Variants in LRP6 observed in about 807,000 individuals in gnomAD.
LRP6 encodes low-density lipoprotein receptor-related protein 6.
In LRP6, 43 loss-of-function variants were observed where a neutral mutation model predicts 184.1. That is an observed-to-expected ratio of 0.23 (90% CI 0.18 to 0.30). The LOEUF is 0.30. Ranked by LOEUF, LRP6 falls within the 10% of genes least tolerant of loss-of-function variation. LRP6 has a pLI of 1.00. For missense variants in LRP6, 1,571 were observed against 2,005.3 expected (o/e 0.78, Z 4.14); for synonymous variants, 719 against 684.9 (o/e 1.05, Z -0.78).
intron 13 of LRP6, among the ~76,000 whole-genome samples, chr12:12,150,446 C>T (rs1004490887): frequency 1.3e-5 from 2 of 152,106 alleles, no homozygotes; most frequent in Admixed American, 1.3e-4. Context: ...ATGTGCTTTG[C>T]ATTCTTTTCA....
intron 2 of LRP6, among the ~76,000 whole-genome samples, chr12:12,213,044 T>C (rs2137063673): frequency 6.6e-6 from 1 of 152,348 alleles, no homozygotes; most frequent in East Asian, 1.9e-4. Context: ...AGAGGACTAA[T>C]GGGAAGAAAC....
chr12:12,252,957 C>T (rs1302268433), intron 1 of LRP6, among the ~76,000 whole-genome samples: 1 of 152,080 alleles, frequency 6.6e-6, no homozygotes, highest in Non-Finnish European at 1.5e-5. Context: ...ATGTACTAGC[C>T]ACTCTTCTTT....
rs573056747 is a variant in LRP6 at position 12,178,391 on chromosome 12, T to C, written c.1545+1419A>G. Among the ~76,000 whole-genome samples the C allele has an allele frequency of 9.1e-4, 138 of 152,274 alleles. 1 individual carries two copies. The highest frequency in any genetic ancestry group is 3.2e-3 in the African/African-American group (132 of 41,564). ...GCAGACTAAGATGGGCAAAACCAAA[T>C]ACGGAATTTTAAAAACCCTACATGA... is the stretch of plus-strand genomic sequence containing the variant. On this transcript the variant is annotated intron_variant, in intron 7 of 22. Coordinates refer to ENST00000261349, the MANE Select transcript of LRP6 (RefSeq NM_002336.3).
intron 7 of LRP6, among the ~76,000 whole-genome samples, chr12:12,166,112 TG>T (rs34917483): frequency 1.4e-4 from 21 of 152,174 alleles, no homozygotes; most frequent in African/African-American, 5.1e-4. Flanking sequence ...ATACCTTTTT[TG>T]GGGGGGTAGG....
At chr12:12,155,219 A>AAAC in intron 12 of LRP6, 1 of 664,002 alleles carries the variant, frequency 1.5e-6, no homozygotes, top group Non-Finnish European at 2.8e-6. Flanking sequence ...AACAAACAAA[A>AAAC]AGTCTTTCAG....
At chr12:12,235,986 G>C (rs936731996) in intron 2 of LRP6, among the ~76,000 whole-genome samples, 1 of 152,160 alleles carries the variant, frequency 6.6e-6, no homozygotes, top group African/African-American at 2.4e-5. Context: ...AGCACTTTGG[G>C]AGGCCGAGGC....
chr12:12,177,088 C>T (rs1442640546), intron 7 of LRP6, among the ~76,000 whole-genome samples: 1 of 152,096 alleles, frequency 6.6e-6, no homozygotes, highest in East Asian at 1.9e-4. Context: ...CCTCATGATC[C>T]ACCCACCTCG....
intron 22 of LRP6, among the ~76,000 whole-genome samples, chr12:12,122,806 TG>T (rs1166024251): frequency 6.6e-6 from 1 of 152,074 alleles, no homozygotes; most frequent in African/African-American, 2.4e-5. Context: ...CACTCCAGCC[TG>T]GGTGACAGAG....
At chr12:12,207,977 A>G (rs1271209092) in intron 2 of LRP6, among the ~76,000 whole-genome samples, 3 of 152,278 alleles carry the variant, frequency 2.0e-5, no homozygotes, top group Non-Finnish European at 4.4e-5. Flanking sequence ...CAGACCACAG[A>G]AGTAATCCAG....
chr12:12,135,479 C>CATCATTATTATT (rs1208266689), intron 16 of LRP6, among the ~76,000 whole-genome samples, 179 bp from the exon 17 acceptor site: 2 of 144,158 alleles, frequency 1.4e-5, no homozygotes, highest in African/African-American at 2.5e-5. Context: ...TTACTTTTAT[C>CATCATTATTATT]ATTATTATTA....
rs560361079 is a variant in LRP6, at chr12:12,200,730, C to T, written c.647+2473G>A. On this transcript the variant is annotated intron_variant, in intron 3 of 22. Coordinates refer to ENST00000261349, the MANE Select transcript of LRP6 (RefSeq NM_002336.3). Reference sequence around the variant, plus strand: ...ATATAAAGTATTTTACTTGTTTGTCCTTTATGGCAACCTTTACACATTTTG... The same window carrying T: ...ATATAAAGTATTTTACTTGTTTGTCTTTTATGGCAACCTTTACACATTTTG... Among the ~76,000 whole-genome samples the T allele has an allele frequency of 1.1e-4, 17 of 152,262 alleles. No individual in the cohort carries two copies. The South Asian group carries it at 1.4e-3, about 13-fold the overall frequency.
chr12:12,140,753 G>A (rs1005772993), intron 15 of LRP6, among the ~76,000 whole-genome samples: 3 of 151,928 alleles, frequency 2.0e-5, no homozygotes, highest in Non-Finnish European at 2.9e-5. Context: ...ACTCGCACCC[G>A]TCACCATGCC....
chr12:12,190,351 G>A (rs1863579940), intron 3 of LRP6, among the ~76,000 whole-genome samples: 1 of 152,124 alleles, frequency 6.6e-6, no homozygotes, highest in Non-Finnish European at 1.5e-5. Context: ...TCAATAGTAG[G>A]TCACAACGAT....
chr12:12,241,813 A>C (rs1865073207), intron 2 of LRP6, among the ~76,000 whole-genome samples: 1 of 152,178 alleles, frequency 6.6e-6, no homozygotes. Flanking sequence ...TTCAAAGTAA[A>C]TTGCTACTGA....
At chr12:12,153,795 A>G (rs969215562) in intron 12 of LRP6, among the ~76,000 whole-genome samples, 2 of 152,244 alleles carry the variant, frequency 1.3e-5, no homozygotes, top group Non-Finnish European at 2.9e-5. Context: ...CAATGGAGAC[A>G]TCAGAGAAGC....
chr12:12,128,447 T>C (rs766999259), intron 19 of LRP6, among the ~76,000 whole-genome samples: 3 of 152,204 alleles, frequency 2.0e-5, no homozygotes, highest in Non-Finnish European at 2.9e-5. Flanking sequence ...TTCATTATTA[T>C]CAATAAACTA....
At chr12:12,236,828 C>T (rs1441486197) in intron 2 of LRP6, among the ~76,000 whole-genome samples, 2 of 152,154 alleles carry the variant, frequency 1.3e-5, no homozygotes, top group East Asian at 1.9e-4. Flanking sequence ...AGAAGGGTCA[C>T]GAGCACAGGT....
chr12:12,231,484 T>A (rs189135814), intron 2 of LRP6, among the ~76,000 whole-genome samples: 34 of 152,226 alleles, frequency 2.2e-4, no homozygotes, highest in African/African-American at 7.2e-4. Context: ...AGACTGCCCC[T>A]ACATAGGTTT....
intron 12 of LRP6, among the ~76,000 whole-genome samples, chr12:12,152,865 A>T (rs772687438): frequency 6.6e-6 from 1 of 152,208 alleles, no homozygotes; most frequent in Non-Finnish European, 1.5e-5. Context: ...TACTGGCTTA[A>T]ATCCCAAAGG....
Sources: allele counts gnomAD v4.1 joint callset (sites outside exome capture counted in the v4.1 genomes callset), GRCh38; gene constraint gnomAD v4.1.1; transcripts MANE v1.5; gene names NCBI Gene and HGNC (gene_info 2026-07-23, HGNC 2026-07-21).